The following VPS29 variants were observed in gnomAD, a reference collection of about 807,000 sequenced individuals.
The protein encoded by VPS29 is VPS29 retromer complex component, also known as vacuolar protein sorting-associated protein 29.
A neutral mutation model predicts 20.0 loss-of-function variants in VPS29; 2 were observed. That is an observed-to-expected ratio of 0.10 (90% CI 0.04 to 0.31). The LOEUF is 0.31. Ranked by LOEUF, VPS29 falls within the 10% of genes least tolerant of loss-of-function variation. The probability of loss-of-function intolerance (pLI) is 1.00; values close to 1 mark genes in which losing one functional copy is unlikely to be tolerated. For missense variants in VPS29, 120 were observed against 215.3 expected, an observed-to-expected ratio of 0.56 and a Z score of 2.77; for synonymous variants, 81 against 79.3, an observed-to-expected ratio of 1.02 and a Z score of -0.12.
chr12:110,495,819 A>G (rs1021100425), intron 2 of VPS29, among the ~76,000 whole-genome samples, 193 bp downstream of exon 2: 1 of 152,160 alleles, frequency 6.6e-6, no homozygotes, highest in Non-Finnish European at 1.5e-5. Flanking sequence ...TTTAATGTTT[A>G]CTAGGTGATC....
Position 110,493,263 on chromosome 12 carries a change from T to C in VPS29, c.196-32A>G, listed in dbSNP as rs1172757955. 14 of 1,400,800 alleles carry C rather than the reference T, an allele frequency of 1.0e-5. No homozygotes were observed. The East Asian group carries it at 3.3e-4, about 33-fold the overall frequency. The allele number at this position is 1,400,800 out of a possible 1,614,324, so 86.8% of individuals were successfully genotyped here. ...TAAGAAAAAGACGTAAGAAAATATG[T>C]ATTTTAGAGATACTGATGTTTAAAA... On this transcript the variant is annotated intron_variant, in intron 2 of 3. Coordinates refer to ENST00000549578, the MANE Select transcript of VPS29 (RefSeq NM_016226.5).
chr12:110,491,978 C>A lies in VPS29; in HGVS notation c.*27G>T, dbSNP rs765953117. On this transcript the variant is annotated 3_prime_UTR_variant, in exon 4 of 4. Transcript: ENST00000549578. ...ATTTCAACAGGACAATGAAAAAAAA[C>A]CAAAAATCATCAAGACAGGCCTGGC... is the stretch of plus-strand genomic sequence containing the variant. 94 of 1,578,404 alleles carry A rather than the reference C, an allele frequency of 6.0e-5. No homozygotes were observed. Among genetic ancestry groups the A allele is most frequent in the East Asian group, 2.5e-4 (11 of 44,542 alleles).
chr12:110,492,220 T>C (rs2062827074), intron 3 of VPS29, 98 bp from the exon 4 acceptor site: 1 of 946,980 alleles, frequency 1.1e-6, no homozygotes, highest in Non-Finnish European at 1.6e-6. Flanking sequence ...GAGAAATCTG[T>C]TACATATCAC....
intron 3 of VPS29, 45 bp from the exon 4 acceptor site, chr12:110,492,167 AGCAG>A: frequency 1.4e-6 from 2 of 1,406,518 alleles, no homozygotes; most frequent in Non-Finnish European, 2.0e-6. Flanking sequence ...AGCACAAAGC[AGCAG>A]CACTATAAAT....
Position 110,493,204 on chromosome 12 carries a change from C to T in VPS29, c.223G>A (p.Val75Met). 1.3e-6 allele frequency: 2 copies of T among 1,553,570 alleles called. No individual in the cohort carries two copies. The highest frequency in any genetic ancestry group is 2.8e-5 in the African/African-American group (2 of 72,596). ...ENLNYPEQKV[V>M]TVGQFKIGLI... Reference sequence around the variant, plus strand: ...CCAATTTTGAACTGTCCAACAGTCACAACTTTCTGTTCTGGATAATTCAGA... The same window carrying T: ...CCAATTTTGAACTGTCCAACAGTCATAACTTTCTGTTCTGGATAATTCAGA... The change falls in exon 3 of 4, where the codon GTG becomes ATG. Residue 75 changes from valine to methionine, a missense_variant. Transcript: ENST00000549578.
chr12:110,501,049 C>A (rs1400112156), intron 1 of VPS29, among the ~76,000 whole-genome samples: 2 of 152,000 alleles, frequency 1.3e-5, no homozygotes. Flanking sequence ...GGCTTGGTGG[C>A]GGGCGCCTGT....
At chr12:110,492,966 CCCCAAATT>C in intron 3 of VPS29, 22 bp downstream of exon 3, 1 of 1,562,306 alleles carries the variant, frequency 6.4e-7, no homozygotes, top group Non-Finnish European at 8.7e-7. Flanking sequence ...TTACTAAAGC[CCCCAAATT>C]CCCAAATTCT....
At position 110,502,101 on chromosome 12, in the gene VPS29, T is replaced by C. The variant is rs1398829055; in HGVS notation, c.-50A>G. ...ACCACCACCGTCGCCGCCCTCTTCCTCAGGCTCCTCGGCGACCCGCCCACT... is the reference window on the plus strand; with the variant it reads ...ACCACCACCGTCGCCGCCCTCTTCCCCAGGCTCCTCGGCGACCCGCCCACT... On this transcript the variant is annotated 5_prime_UTR_variant, in exon 1 of 4. Transcript: ENST00000549578. 3 of 1,593,750 alleles carry C rather than the reference T, an allele frequency of 1.9e-6. No individual in the cohort carries two copies. Among genetic ancestry groups the C allele is most frequent in the African/African-American group, 2.7e-5 (2 of 74,532 alleles).
intron 1 of VPS29, chr12:110,501,765 G>A (rs1365608536): frequency 3.7e-6 from 4 of 1,083,254 alleles, no homozygotes; most frequent in South Asian, 2.7e-5. Flanking sequence ...GCTCGGGCGT[G>A]CGTGTCTCGT....
At chr12:110,495,301 G>A (rs2062886632) in intron 2 of VPS29, among the ~76,000 whole-genome samples, 2 of 152,184 alleles carry the variant, frequency 1.3e-5, no homozygotes, top group African/African-American at 4.8e-5. Flanking sequence ...TTGCTAGTTG[G>A]AGAATAAACT....
intron 1 of VPS29, chr12:110,499,348 A>G (rs931542854): frequency 2.7e-6 from 2 of 736,718 alleles, no homozygotes; most frequent in Non-Finnish European, 4.1e-6. Flanking sequence ...CATAGATGAT[A>G]GAGTCCTTTA....
rs2062903727 is a variant in VPS29 at position 110,496,208 on chromosome 12, A to G, written c.4-5T>C. 6.3e-7 allele frequency: 1 copy of G among 1,597,710 alleles called. No homozygotes were observed. Among genetic ancestry groups the G allele is most frequent in the Non-Finnish European group, 8.6e-7 (1 of 1,167,184 alleles). Reference sequence around the variant, plus strand: ...ATCTCCTAATACCAACACCAACTTTAAAGTGTCAAGGTGAGATAAAGCATA... The same window carrying G: ...ATCTCCTAATACCAACACCAACTTTGAAGTGTCAAGGTGAGATAAAGCATA... On this transcript the variant is annotated splice_region_variant and splice_polypyrimidine_tract_variant and intron_variant, in intron 1 of 3. Coordinates refer to ENST00000549578, the MANE Select transcript of VPS29 (RefSeq NM_016226.5).
At chr12:110,496,557 A>G (rs2062909269) in intron 1 of VPS29, 1 of 167,808 alleles carries the variant, frequency 6.0e-6, no homozygotes, top group Admixed American at 5.9e-5. Flanking sequence ...CAAGCATTCT[A>G]AAGTGATTCA....
chr12:110,499,621 G>T (rs2135596467), intron 1 of VPS29: 1 of 1,072,458 alleles, frequency 9.3e-7, no homozygotes, highest in Non-Finnish European at 1.3e-6. Flanking sequence ...AATGTTAAAA[G>T]AAAGCAACAA....
At chr12:110,494,027 T>C (rs1345480744) in intron 2 of VPS29, among the ~76,000 whole-genome samples, 1 of 152,136 alleles carries the variant, frequency 6.6e-6, no homozygotes, top group Non-Finnish European at 1.5e-5. Context: ...AAGGTTCTAT[T>C]ATGATCCCCA....
intron 1 of VPS29, among the ~76,000 whole-genome samples, chr12:110,497,949 C>T (rs1226358293): frequency 1.3e-5 from 2 of 151,750 alleles, no homozygotes; most frequent in African/African-American, 4.8e-5. Context: ...AGTATCTATC[C>T]TCCAAAGGAC....
chr12:110,500,066 G>C (rs2062978017), intron 1 of VPS29, among the ~76,000 whole-genome samples: 2 of 152,154 alleles, frequency 1.3e-5, no homozygotes, highest in Admixed American at 1.3e-4. Context: ...GCTGCGGCTA[G>C]GTGATTTTTT....
chr12:110,501,368 A>G, intron 1 of VPS29: 1 of 1,534,610 alleles, frequency 6.5e-7, no homozygotes, highest in Non-Finnish European at 8.7e-7. Flanking sequence ...ATATTCACAA[A>G]AATTTCCCAA....
At chr12:110,499,563 A>G (rs1344379022) in intron 1 of VPS29, 1 of 1,596,134 alleles carries the variant, frequency 6.3e-7, no homozygotes, top group Non-Finnish European at 8.6e-7. Context: ...GGAATGAAGA[A>G]GTTGATTGCA....
Sources: gnomAD v4.1 joint callset for allele counts (sites outside exome capture counted in the v4.1 genomes callset) on GRCh38, gnomAD v4.1.1 for gene constraint, MANE v1.5 for transcripts, NCBI Gene and HGNC (gene_info 2026-07-23, HGNC 2026-07-21) for gene names.